NPSR1: variants seen among roughly 807,000 people sequenced by gnomAD.
NPSR1 encodes the protein neuropeptide S receptor.
Under a neutral mutation model 46.9 loss-of-function variants are expected in NPSR1, and 48 were observed. The observed-to-expected ratio is 1.02, with a 90% confidence interval of 0.81 to 1.30. NPSR1 has a LOEUF of 1.30. NPSR1 is among the 50% of genes most tolerant of loss of function. NPSR1 has a pLI of 0.00. For missense variants in NPSR1, 450 were observed against 449.5 expected (o/e 1.00, Z -0.01); for synonymous variants, 176 against 168.1 (o/e 1.05, Z -0.36).
chr7:34,663,067 C>CTCTCTCTCTCTCTCTCTGTGTGTGTGTG (rs35826710), intron 1 of NPSR1, among the ~76,000 whole-genome samples: 1,200 of 99,022 alleles, frequency 0.012, 11 homozygotes, highest in Non-Finnish European at 0.015. Flanking sequence ...CTCTCTCTCT[C>CTCTCTCTCTCTCTCTCTGTGTGTGTGTG]TGTGTGTGTG....
At chr7:34,844,260 T>A (rs1414183561) in intron 6 of NPSR1, among the ~76,000 whole-genome samples, 4 of 152,214 alleles carry the variant, frequency 2.6e-5, no homozygotes, top group Non-Finnish European at 5.9e-5. Context: ...TCATTGAATA[T>A]GTGTTTAGGC....
chr7:34,845,018 T>A (rs1039808696), intron 7 of NPSR1, 36 bp downstream of exon 7: 2 of 1,475,764 alleles, frequency 1.4e-6, no homozygotes, highest in Admixed American at 1.7e-5. Flanking sequence ...TAAAGTGGTA[T>A]GAACGTCCCA....
chr7:34,832,326 G>A (rs1479418643), intron 5 of NPSR1, among the ~76,000 whole-genome samples: 3 of 152,182 alleles, frequency 2.0e-5, no homozygotes, highest in Non-Finnish European at 4.4e-5. Context: ...TTGGGCCCGG[G>A]AGTTCAAGAC....
intron 8 of NPSR1, among the ~76,000 whole-genome samples, chr7:34,869,392 T>C (rs1333978479): frequency 1.3e-5 from 2 of 151,756 alleles, no homozygotes; most frequent in African/African-American, 4.9e-5. Flanking sequence ...CTATTTAAAA[T>C]CTCTGCCTTT....
intron 2 of NPSR1, among the ~76,000 whole-genome samples, chr7:34,762,095 A>G (rs965921101): frequency 3.3e-5 from 5 of 152,182 alleles, no homozygotes; most frequent in African/African-American, 1.2e-4. Flanking sequence ...CCTTAATTAG[A>G]CACAAGCTTT....
intron 1 of NPSR1, chr7:34,660,098 T>C (rs1199065081): frequency 4.4e-6 from 2 of 456,720 alleles, no homozygotes; most frequent in Non-Finnish European, 8.8e-6. Context: ...TTGCTCTCTA[T>C]GAGTGTTTGT....
At chr7:34,719,019 CT>C (rs1488825427) in intron 2 of NPSR1, 1 of 152,350 alleles carries the variant, frequency 6.6e-6, no homozygotes, top group Admixed American at 6.5e-5. Context: ...TTTGTTTGAT[CT>C]TAAAGCCCAG....
chr7:34,739,063 T>C (rs76332217), intron 2 of NPSR1, among the ~76,000 whole-genome samples: 10,175 of 152,280 alleles, frequency 0.067, 988 homozygotes, highest in African/African-American at 0.21. Context: ...TTGCAGCATG[T>C]ATCAATACTT....
At chr7:34,668,306 C>T (rs1417365339) in intron 1 of NPSR1, among the ~76,000 whole-genome samples, 4 of 152,168 alleles carry the variant, frequency 2.6e-5, no homozygotes, top group African/African-American at 9.7e-5. Context: ...GACTCTAACC[C>T]TTAGCAACAC....
intron 2 of NPSR1, among the ~76,000 whole-genome samples, chr7:34,755,737 T>A (rs1785799888): frequency 6.6e-6 from 1 of 152,150 alleles, no homozygotes; most frequent in South Asian, 2.1e-4. Context: ...TTTAAGGGCT[T>A]TTAAACTAGG....
intron 2 of NPSR1, among the ~76,000 whole-genome samples, chr7:34,697,523 A>C (rs1260951179): frequency 6.6e-6 from 1 of 152,000 alleles, no homozygotes; most frequent in African/African-American, 2.4e-5. Context: ...TAAGTCCCTT[A>C]CATAAAATAG....
At chr7:34,867,981 T>C (rs13309172) in intron 8 of NPSR1, among the ~76,000 whole-genome samples, 1 of 151,970 alleles carries the variant, frequency 6.6e-6, no homozygotes, top group South Asian at 2.1e-4. Context: ...CTGTACTATA[T>C]TGAAGTATCT....
intron 2 of NPSR1, among the ~76,000 whole-genome samples, chr7:34,720,670 G>A (rs972267847): frequency 1.3e-5 from 2 of 152,110 alleles, no homozygotes; most frequent in African/African-American, 4.8e-5. Flanking sequence ...TGAAGAGTCA[G>A]GCAATTGAAG....
intron 1 of NPSR1, among the ~76,000 whole-genome samples, chr7:34,670,057 A>G (rs114190037): frequency 8.7e-4 from 133 of 152,368 alleles, no homozygotes; most frequent in Middle Eastern, 3.4e-3. Flanking sequence ...CCAAATTAGC[A>G]TATAATGTTT....
intron 4 of NPSR1, among the ~76,000 whole-genome samples, chr7:34,812,966 A>T (rs1054616948): frequency 1.3e-5 from 2 of 152,250 alleles, no homozygotes; most frequent in African/African-American, 4.8e-5. Context: ...GTCATCAAGG[A>T]TCTACAAGAA....
intron 4 of NPSR1, among the ~76,000 whole-genome samples, chr7:34,821,126 A>AT (rs1406555066): frequency 2.4e-5 from 3 of 123,292 alleles, no homozygotes; most frequent in African/African-American, 8.9e-5. Context: ...TTTGTGATAC[A>AT]CTTTTTTTTT....
chr7:34,678,040 G>T (rs564518808), intron 1 of NPSR1, among the ~76,000 whole-genome samples: 1 of 152,198 alleles, frequency 6.6e-6, no homozygotes, highest in South Asian at 2.1e-4. Context: ...TGGAGACGTG[G>T]ATTTCTGATC....
intron 4 of NPSR1, among the ~76,000 whole-genome samples, chr7:34,820,452 T>C (rs1187133754): frequency 2.0e-5 from 3 of 152,142 alleles, no homozygotes; most frequent in African/African-American, 4.8e-5. Context: ...AGGCAGGAAA[T>C]TGATGAGGCA....
At chr7:34,809,364 C>G (rs1243712154) in intron 3 of NPSR1, among the ~76,000 whole-genome samples, 1 of 150,170 alleles carries the variant, frequency 6.7e-6, no homozygotes, top group Non-Finnish European at 1.5e-5. Context: ...TTTTTTCTAA[C>G]TTTTATTTTA....
Sources: allele counts gnomAD v4.1 joint callset (sites outside exome capture counted in the v4.1 genomes callset), GRCh38; gene constraint gnomAD v4.1.1; transcripts MANE v1.5; gene names NCBI Gene and HGNC (gene_info 2026-07-23, HGNC 2026-07-21).